The following AKAP6 variants were observed in gnomAD, a reference collection of about 807,000 sequenced individuals.
AKAP6 encodes the protein A-kinase anchoring protein 6.
A neutral mutation model predicts 188.5 loss-of-function variants in AKAP6; 58 were observed. The ratio of observed to expected loss-of-function variants is 0.31; its 90% CI spans 0.25 to 0.38. AKAP6 has a LOEUF of 0.38. AKAP6 is among the 10% of genes least tolerant of loss of function. The probability of loss-of-function intolerance (pLI) is 1.00; values close to 1 mark genes in which losing one functional copy is unlikely to be tolerated. For synonymous variants in AKAP6, 989 were observed against 998.6 expected (o/e 0.99, Z 0.18); for missense variants, 2,710 against 2,740.0 (o/e 0.99, Z 0.24).
intron 11 of AKAP6, among the ~76,000 whole-genome samples, chr14:32,750,646 G>A (rs2032088938): frequency 6.6e-6 from 1 of 151,852 alleles, no homozygotes; most frequent in Admixed American, 6.6e-5. Flanking sequence ...TGAGAAGATT[G>A]CTTCACCCCA....
At chr14:32,537,511 A>G (rs1311873298) in intron 3 of AKAP6, among the ~76,000 whole-genome samples, 4 of 152,120 alleles carry the variant, frequency 2.6e-5, no homozygotes, top group Non-Finnish European at 5.9e-5. Context: ...CTCTAGAGAG[A>G]TCTTTCTTTA....
At chr14:32,417,902 T>G (rs1422781661) in intron 1 of AKAP6, 1 of 152,186 alleles carries the variant, frequency 6.6e-6, no homozygotes, top group East Asian at 1.9e-4. Context: ...TTATTCATTT[T>G]CAGGCATGTG....
At chr14:32,485,496 A>G (rs1250999382) in intron 2 of AKAP6, among the ~76,000 whole-genome samples, 1 of 152,040 alleles carries the variant, frequency 6.6e-6, no homozygotes, top group Admixed American at 6.5e-5. Context: ...CTTTTTAATG[A>G]TTGCCATTCT....
At chr14:32,500,052 C>T (rs1880529599) in intron 2 of AKAP6, among the ~76,000 whole-genome samples, 3 of 152,020 alleles carry the variant, frequency 2.0e-5, no homozygotes, top group South Asian at 4.2e-4. Context: ...TAAGAAACAC[C>T]CAAAACTCAG....
At chr14:32,551,127 A>C (rs1228003100) in intron 4 of AKAP6, among the ~76,000 whole-genome samples, 3 of 152,074 alleles carry the variant, frequency 2.0e-5, no homozygotes, top group African/African-American at 7.2e-5. Flanking sequence ...CCTAGAACAT[A>C]CTTGGCATGC....
intron 11 of AKAP6, among the ~76,000 whole-genome samples, chr14:32,739,481 T>C (rs1282350212): frequency 1.3e-5 from 2 of 152,046 alleles, no homozygotes; most frequent in African/African-American, 4.8e-5. Flanking sequence ...ATTCATTCTA[T>C]TTTTTTCTTT....
chr14:32,339,287 A>G (rs1349946929), intron 1 of AKAP6, among the ~76,000 whole-genome samples: 1 of 152,200 alleles, frequency 6.6e-6, no homozygotes, highest in East Asian at 1.9e-4. Flanking sequence ...GTAATAAAAA[A>G]TTAACTCTCT....
intron 1 of AKAP6, chr14:32,417,953 C>T (rs1000493765): frequency 2.6e-5 from 4 of 152,032 alleles, no homozygotes; most frequent in African/African-American, 4.8e-5. Context: ...CAGAGGACCT[C>T]GAGTATCCAA....
chr14:32,710,197 CAAAA>C (rs10535937), intron 9 of AKAP6, among the ~76,000 whole-genome samples: 15 of 146,228 alleles, frequency 1.0e-4, no homozygotes, highest in Admixed American at 6.1e-4. Context: ...AAAATGGACC[CAAAA>C]AAAAAAAAAA....
intron 7 of AKAP6, among the ~76,000 whole-genome samples, chr14:32,654,461 A>G (rs1888365096): frequency 6.6e-6 from 1 of 152,184 alleles, no homozygotes; most frequent in Non-Finnish European, 1.5e-5. Context: ...AACCAATTAA[A>G]TCAAAACAAA....
chr14:32,771,607 A>T (rs1227548171), intron 11 of AKAP6, among the ~76,000 whole-genome samples: 1 of 152,164 alleles, frequency 6.6e-6, no homozygotes, highest in Admixed American at 6.6e-5. Flanking sequence ...TATAAGGTGA[A>T]TGAAGTCTGT....
intron 3 of AKAP6, among the ~76,000 whole-genome samples, chr14:32,543,008 C>T (rs1883031674): frequency 6.6e-6 from 1 of 152,200 alleles, no homozygotes; most frequent in African/African-American, 2.4e-5. Context: ...GGGAAATTAA[C>T]ATACCTGTCA....
intron 13 of AKAP6, 21 bp from the exon 14 acceptor site, chr14:32,829,827 T>C (rs1185727161): frequency 1.2e-5 from 8 of 690,638 alleles, no homozygotes; most frequent in Non-Finnish European, 2.1e-5. Flanking sequence ...CCTTTTCTTG[T>C]CACTTTTTTG....
chr14:32,564,038 A>T (rs931402404), intron 4 of AKAP6, among the ~76,000 whole-genome samples: 1 of 152,190 alleles, frequency 6.6e-6, no homozygotes, highest in African/African-American at 2.4e-5. Context: ...CAAGTCCCTT[A>T]TGTAAATTGT....
At chr14:32,775,134 G>T (rs2033016866) in intron 12 of AKAP6, among the ~76,000 whole-genome samples, 1 of 152,068 alleles carries the variant, frequency 6.6e-6, no homozygotes, top group Non-Finnish European at 1.5e-5. Flanking sequence ...GTCTTTTCTT[G>T]AAATGACCTG....
rs546670676 is a variant in AKAP6 at position 32,578,577 on chromosome 14, G to A, written c.2469+1335G>A. Among the ~76,000 whole-genome samples, 4 of 152,204 alleles carry A rather than the reference G, an allele frequency of 2.6e-5. No individual in the cohort carries two copies. In the East Asian group the frequency reaches 7.7e-4, roughly 29 times the overall value. ...TATTCAGTGCTTTATGATGTAAATTGTATTAATTAGAATGTCAACTTTTCA... is the reference window on the plus strand; with the variant it reads ...TATTCAGTGCTTTATGATGTAAATTATATTAATTAGAATGTCAACTTTTCA... On this transcript the variant is annotated intron_variant, in intron 5 of 13. Coordinates refer to ENST00000280979, the MANE Select transcript of AKAP6 (RefSeq NM_004274.5).
chr14:32,667,980 A>G (rs1021831973), intron 7 of AKAP6, among the ~76,000 whole-genome samples: 1 of 152,104 alleles, frequency 6.6e-6, no homozygotes, highest in Admixed American at 6.6e-5. Context: ...AGAAACTAAG[A>G]TTGTATCTTC....
In AKAP6 at chr14:32,801,359, G is replaced by A. The variant is rs180745605; in HGVS notation, c.3589-20043G>A. Among the ~76,000 whole-genome samples the A allele has an allele frequency of 7.5e-3, 1,135 of 152,056 alleles. 3 individuals are homozygous for A. The highest frequency in any genetic ancestry group is 0.013 in the Non-Finnish European group (865 of 67,970). The stretch of plus-strand genomic sequence containing the variant: ...TGCCATAAACATTTTAAACAAATCC[G>A]AGTTTACCTTCAAACAATACTATAC... On this transcript the variant is annotated intron_variant, in intron 12 of 13. Transcript: ENST00000280979.
intron 4 of AKAP6, among the ~76,000 whole-genome samples, chr14:32,556,387 G>C (rs182935434): frequency 3.9e-5 from 6 of 152,128 alleles, no homozygotes; most frequent in Admixed American, 3.3e-4. Context: ...CTGTCACCTA[G>C]CCTGGAGTGC....
Sources: gnomAD v4.1 joint callset for allele counts (sites outside exome capture counted in the v4.1 genomes callset) on GRCh38, gnomAD v4.1.1 for gene constraint, MANE v1.5 for transcripts, NCBI Gene and HGNC (gene_info 2026-07-23, HGNC 2026-07-21) for gene names.